Variants in PDS5A observed in about 807,000 individuals in gnomAD.
The protein encoded by PDS5A is sister chromatid cohesion protein PDS5 homolog A.
PDS5A carries 42 observed loss-of-function variants against 167.1 expected under a neutral mutation model. That is an observed-to-expected ratio of 0.25 (90% CI 0.20 to 0.33). The LOEUF (loss-of-function observed/expected upper bound fraction) is 0.33, where lower values mean the gene tolerates loss of function less well. PDS5A is among the 10% of genes least tolerant of loss of function. The pLI is 1.00. For missense variants in PDS5A, 1,033 were observed against 1,605.9 expected, an observed-to-expected ratio of 0.64 and a Z score of 6.10; for synonymous variants, 553 against 554.6, an observed-to-expected ratio of 1.00 and a Z score of 0.04.
chr4:39,878,506 A>C (rs1002851801), intron 18 of PDS5A, among the ~76,000 whole-genome samples: 19 of 151,936 alleles, frequency 1.3e-4, no homozygotes, highest in Non-Finnish European at 2.2e-4. Flanking sequence ...CTGAGGCAGG[A>C]GAATGGCGTG....
At chr4:39,839,794 A>C (rs1716790132) in intron 31 of PDS5A, among the ~76,000 whole-genome samples, 1 of 150,068 alleles carries the variant, frequency 6.7e-6, no homozygotes. Flanking sequence ...TCTTCAAGCC[A>C]TTCTTACTGA....
chr4:39,939,079 A>T (rs1726962000), intron 2 of PDS5A, among the ~76,000 whole-genome samples: 1 of 151,980 alleles, frequency 6.6e-6, no homozygotes, highest in Non-Finnish European at 1.5e-5. Flanking sequence ...AAAACTAGAA[A>T]AAAGCCAGTC....
chr4:39,888,022 C>T (rs1055231415), intron 17 of PDS5A, among the ~76,000 whole-genome samples: 1 of 151,962 alleles, frequency 6.6e-6, no homozygotes, highest in Non-Finnish European at 1.5e-5. Flanking sequence ...GAGGCTGAGG[C>T]GGGCAGATCA....
intron 17 of PDS5A, among the ~76,000 whole-genome samples, chr4:39,882,721 G>A (rs567920051): frequency 5.3e-4 from 81 of 152,248 alleles, no homozygotes; most frequent in African/African-American, 1.9e-3. Context: ...ACCAGTATGC[G>A]TCAAGGAGCT....
At chr4:39,847,502 G>A (rs1425490874) in intron 28 of PDS5A, 2 of 152,064 alleles carry the variant, frequency 1.3e-5, no homozygotes, top group African/African-American at 4.8e-5. Context: ...TACTTGAGAG[G>A]CTGAGGTAGG....
chr4:39,964,678 G>T (rs1391164236), intron 2 of PDS5A, among the ~76,000 whole-genome samples: 1 of 152,196 alleles, frequency 6.6e-6, no homozygotes, highest in Non-Finnish European at 1.5e-5. Context: ...CTGGGCTATA[G>T]AGCAAGACTC....
rs899996467 is a variant in PDS5A at position 39,977,060 on chromosome 4, G to A, written c.-41+397C>T. Among the ~76,000 whole-genome samples, 4 of 152,160 alleles carry A rather than the reference G, an allele frequency of 2.6e-5. No individual in the cohort carries two copies. The highest frequency in any genetic ancestry group is 1.9e-4 in the East Asian group (1 of 5,176). ...CTTAGGCCGCAAAACTAGGGACCCA[G>A]CGGACCCACGCGCAGCGGCGGCTGC... On this transcript the variant is annotated intron_variant, in intron 1 of 32. Transcript: ENST00000303538. The surrounding 1 kb of genome is among the most constrained non-coding windows in gnomAD (Gnocchi z 4.2).
Position 39,862,930 on chromosome 4 carries a change from T to C in PDS5A, c.2910A>G (p.Gln970=), listed in dbSNP as rs781085702. 8.1e-6 allele frequency: 13 copies of C among 1,613,288 alleles called. No individual in the cohort carries two copies. The highest frequency in any genetic ancestry group is 4.5e-5 in the East Asian group (2 of 44,866). The change falls in exon 25 of 33, where the codon CAA becomes CAG. Residue 970 remains glutamine, a synonymous_variant. Coordinates refer to ENST00000303538, the MANE Select transcript of PDS5A (RefSeq NM_001100399.2). ...GTATACTGATATTTTTCAGTAAACATTGTCGTGCGTGTGCTCTTCTCTCCT... is the reference window on the plus strand; with the variant it reads ...GTATACTGATATTTTTCAGTAAACACTGTCGTGCGTGTGCTCTTCTCTCCT... ...PVKERRAHAR[Q]CLLKNISIRR...
chr4:39,926,759 GTTTTT>G lies in PDS5A; in HGVS notation c.429+11_429+15del. 1 of 1,049,994 alleles carries G rather than the reference GTTTTT, an allele frequency of 9.5e-7. No individual in the cohort carries two copies. Among genetic ancestry groups the G allele is most frequent in the Non-Finnish European group, 1.3e-6 (1 of 787,796 alleles). 65.0% of individuals were successfully genotyped at this position (1,049,994 alleles called of 1,614,324 possible). A position where few individuals can be genotyped will look rare whatever the true frequency, so the allele number is the denominator to read the frequency against. On this transcript the variant is annotated intron_variant, in intron 4 of 32. Transcript: ENST00000303538. ...TGAAATAATGTTAATAGTTATTAAA[GTTTTT>G]TTTTTTTTACCTCTAATAAATAAAA... is the stretch of plus-strand genomic sequence containing the variant.
intron 17 of PDS5A, among the ~76,000 whole-genome samples, chr4:39,883,591 T>C (rs1392845459): frequency 6.6e-6 from 1 of 152,202 alleles, no homozygotes; most frequent in Non-Finnish European, 1.5e-5. Flanking sequence ...TATTTTTCTG[T>C]TACTTTTCTT....
chr4:39,892,737 A>G (rs1722081709), intron 16 of PDS5A, among the ~76,000 whole-genome samples: 1 of 152,242 alleles, frequency 6.6e-6, no homozygotes, highest in African/African-American at 2.4e-5. Flanking sequence ...GATATAATGC[A>G]TATCCAGGTA....
chr4:39,883,698 T>C (rs1044736539), intron 17 of PDS5A, among the ~76,000 whole-genome samples: 2 of 152,114 alleles, frequency 1.3e-5, no homozygotes, highest in African/African-American at 4.8e-5. Context: ...TGAAGTGCCG[T>C]GATCTCAGCT....
rs575744953 is a variant in PDS5A, at chr4:39,886,489, G to A, written c.1886+3760C>T. Among the ~76,000 whole-genome samples, 14 of 152,144 alleles carry A rather than the reference G, an allele frequency of 9.2e-5. No individual in the cohort carries two copies. In the South Asian group the frequency reaches 1.2e-3, roughly 14 times the overall value. ...AGCACTTTGGGAGGCCGAAGTGGGC[G>A]GATCACCTGAGGTTGGGAGTTTGAG... On this transcript the variant is annotated intron_variant, in intron 17 of 32. Coordinates refer to ENST00000303538, the MANE Select transcript of PDS5A (RefSeq NM_001100399.2).
rs370830931 is a variant in PDS5A, at chr4:39,950,928, G to A, written c.139-22764C>T. On this transcript the variant is annotated intron_variant, in intron 2 of 32. Coordinates refer to ENST00000303538, the MANE Select transcript of PDS5A (RefSeq NM_001100399.2). ...TGGTTTTAATTTTTAAAATAGATAG[G>A]GTCTCCCCTCTGTGGACCAGGCTGG... 1.7e-4 allele frequency among the ~76,000 whole-genome samples: 26 copies of A among 151,698 alleles called. No homozygotes were observed. In the East Asian group the frequency reaches 5.0e-3, roughly 29 times the overall value.
chr4:39,864,439 G>A (rs1293400470), intron 23 of PDS5A, among the ~76,000 whole-genome samples: 1 of 152,158 alleles, frequency 6.6e-6, no homozygotes, highest in Non-Finnish European at 1.5e-5. Flanking sequence ...CTCCCACCCC[G>A]ACACTGTGGA....
At chr4:39,845,662 C>T (rs1478333915) in intron 29 of PDS5A, among the ~76,000 whole-genome samples, 156 bp downstream of exon 29, 1 of 152,062 alleles carries the variant, frequency 6.6e-6, no homozygotes, top group Non-Finnish European at 1.5e-5. Flanking sequence ...CAGAAAAATT[C>T]TAAAAGCATG....
intron 27 of PDS5A, 82 bp from the exon 28 acceptor site, chr4:39,849,052 G>A: frequency 2.0e-6 from 2 of 998,736 alleles, no homozygotes; most frequent in South Asian, 1.6e-5. Flanking sequence ...GTATAATTTA[G>A]AGTTAAAAGA....
At chr4:39,946,267 G>T (rs188417355) in intron 2 of PDS5A, among the ~76,000 whole-genome samples, 1 of 150,862 alleles carries the variant, frequency 6.6e-6, no homozygotes, top group Non-Finnish European at 1.5e-5. Context: ...GCAGACAAGC[G>T]TACATATGTG....
intron 17 of PDS5A, among the ~76,000 whole-genome samples, chr4:39,888,056 C>T (rs1213860341): frequency 2.0e-5 from 3 of 151,980 alleles, no homozygotes; most frequent in African/African-American, 7.2e-5. Context: ...TTGAGACCAT[C>T]CTGGCCAACA....
Sources: gnomAD v4.1 joint callset for allele counts (sites outside exome capture counted in the v4.1 genomes callset) on GRCh38, gnomAD v4.1.1 for gene constraint, Gnocchi (gnomAD v3.1) non-coding constraint, MANE v1.5 for transcripts, NCBI Gene and HGNC (gene_info 2026-07-23, HGNC 2026-07-21) for gene names.